CCDC88A: variants seen among roughly 807,000 people sequenced by gnomAD.
CCDC88A encodes the protein coiled-coil and HOOK domain protein 88A.
A neutral mutation model predicts 234.3 loss-of-function variants in CCDC88A; 54 were observed. The observed-to-expected ratio is 0.23, with a 90% CI of 0.19 to 0.29. The LOEUF (loss-of-function observed/expected upper bound fraction) is 0.29. CCDC88A is among the 10% of genes least tolerant of loss of function. The probability of loss-of-function intolerance (pLI) is 1.00; values close to 1 mark genes in which losing one functional copy is unlikely to be tolerated. For synonymous variants in CCDC88A, 753 were observed against 737.8 expected (o/e 1.02, Z -0.33); for missense variants, 1,832 against 2,123.4 (o/e 0.86, Z 2.70).
rs1683165994 is a variant in CCDC88A at position 55,317,880 on chromosome 2, A to C, written c.3325-39T>G. 2 of 1,366,810 alleles carry C rather than the reference A, an allele frequency of 1.5e-6. No individual in the cohort carries two copies. The highest frequency in any genetic ancestry group is 2.3e-5 in the East Asian group (1 of 42,882). 84.7% of individuals were successfully genotyped at this position (1,366,810 alleles called of 1,614,324 possible). On this transcript the variant is annotated intron_variant, in intron 19 of 32. Transcript: ENST00000436346. The surrounding 1 kb of genome is among the most constrained non-coding windows in gnomAD (Gnocchi z 4.2). ...TATTGTTATCAGACATAAGAAAAACAGTTCATGTTCTTTTTCAAAATACAA... is the reference window on the plus strand; with the variant it reads ...TATTGTTATCAGACATAAGAAAAACCGTTCATGTTCTTTTTCAAAATACAA...
chr2:55,414,872 T>A (rs1352354485), intron 2 of CCDC88A, among the ~76,000 whole-genome samples: 1 of 151,794 alleles, frequency 6.6e-6, no homozygotes, highest in Non-Finnish European at 1.5e-5. Flanking sequence ...GAGACCATCC[T>A]GGCTAACACG....
chr2:55,390,950 G>A (rs1426277231), intron 2 of CCDC88A, among the ~76,000 whole-genome samples: 1 of 152,194 alleles, frequency 6.6e-6, no homozygotes, highest in Admixed American at 6.5e-5. Flanking sequence ...GACCAGCCTG[G>A]GCAATATGGT....
In CCDC88A at chr2:55,309,645, T is replaced by A. The variant is rs985349312; in HGVS notation, c.4080-391A>T. On this transcript the variant is annotated intron_variant, in intron 23 of 32. Coordinates refer to ENST00000436346, the MANE Select transcript of CCDC88A (RefSeq NM_001365480.1). This position sits in a 1 kb window ranked among gnomAD's most constrained non-coding sequence, Gnocchi z 5.1. ...GAGAACCATTTCCTGACTCCAGCAA[T>A]GCATGAGTCATCGCATCCTAGTCTC... 6.6e-6 allele frequency among the ~76,000 whole-genome samples: 1 copy of A among 152,164 alleles called. No individual in the cohort carries two copies. The highest frequency in any genetic ancestry group is 1.5e-5 in the Non-Finnish European group (1 of 68,020).
At chr2:55,294,405 T>G (rs1351136581) in intron 31 of CCDC88A, 2 of 904,378 alleles carry the variant, frequency 2.2e-6, no homozygotes, top group Non-Finnish European at 2.6e-6. Flanking sequence ...TAACACTAAG[T>G]TTATAAGTAT....
At chr2:55,386,670 C>T (rs1254238468) in intron 3 of CCDC88A, among the ~76,000 whole-genome samples, 1 of 151,138 alleles carries the variant, frequency 6.6e-6, no homozygotes, top group Non-Finnish European at 1.5e-5. Context: ...CAAGGTTTCG[C>T]CATGTTGGAC....
At chr2:55,291,523 AATCTT>A in intron 32 of CCDC88A, 148 bp downstream of exon 32, 1 of 405,226 alleles carries the variant, frequency 2.5e-6, no homozygotes. Context: ...GCAGCCAACT[AATCTT>A]GCTTCACTAG....
chr2:55,331,424 G>A (rs1044215795), intron 16 of CCDC88A, among the ~76,000 whole-genome samples: 2 of 151,920 alleles, frequency 1.3e-5, no homozygotes, highest in African/African-American at 4.8e-5. Flanking sequence ...TATTTACTTT[G>A]AACATTCTGA....
chr2:55,350,528 ATAAAG>A (rs1485452957), intron 8 of CCDC88A: 1 of 151,382 alleles, frequency 6.6e-6, no homozygotes, highest in Non-Finnish European at 1.5e-5. Flanking sequence ...TTCTTTAATA[ATAAAG>A]TAAATGTTCA....
At chr2:55,363,888 T>G (rs545874047) in intron 6 of CCDC88A, 62 bp downstream of exon 6, 1 of 836,070 alleles carries the variant, frequency 1.2e-6, no homozygotes, top group South Asian at 1.7e-5. Context: ...TTTTAGGAGA[T>G]AGACAAATAA....
intron 2 of CCDC88A, among the ~76,000 whole-genome samples, chr2:55,409,071 T>C (rs533444659): frequency 6.6e-6 from 1 of 152,348 alleles, no homozygotes; most frequent in East Asian, 1.9e-4. Context: ...CATGCTATGC[T>C]CACTGGCTCA....
In CCDC88A at chr2:55,308,543, C is replaced by A. The variant is rs1681934744; in HGVS notation, c.4387+266G>T. 3 of 361,712 alleles carry A rather than the reference C, an allele frequency of 8.3e-6. 1 individual carries two copies. In the South Asian group the frequency reaches 1.2e-4, roughly 15 times the overall value. The allele number at this position is 361,712 out of a possible 1,614,324, so 22.4% of individuals were successfully genotyped here. ...GGCTTGCCCATATTAACAGAAATAG[C>A]AAGTGGCAGAGGTATTCCAGCTCTT... is the stretch of plus-strand genomic sequence containing the variant. On this transcript the variant is annotated intron_variant, in intron 25 of 32. Transcript: ENST00000436346.
rs377238103 is a variant in CCDC88A at position 55,419,123 on chromosome 2, C to T, written c.-44G>A. ...GAAAAAAGGAACTACCACAAAAATA[C>T]GCCTAGGGAATTGGTCACTAAACGT... On this transcript the variant is annotated 5_prime_UTR_variant, in exon 1 of 33. Transcript: ENST00000436346. 1.7e-6 allele frequency: 2 copies of T among 1,181,552 alleles called. No individual in the cohort carries two copies. The highest frequency in any genetic ancestry group is 1.5e-5 in the African/African-American group (1 of 65,560). 73.2% of individuals were successfully genotyped at this position (1,181,552 alleles called of 1,614,324 possible). A position where few individuals can be genotyped will look rare whatever the true frequency, so the allele number is the denominator to read the frequency against.
At chr2:55,418,051 T>C (rs1681765849) in intron 2 of CCDC88A, 1 of 152,186 alleles carries the variant, frequency 6.6e-6, no homozygotes, top group Admixed American at 6.5e-5. Context: ...TTAATTTTAC[T>C]GATCCAGCTA....
chr2:55,395,740 A>G (rs1194722644), intron 2 of CCDC88A, among the ~76,000 whole-genome samples: 3 of 152,250 alleles, frequency 2.0e-5, no homozygotes, highest in Non-Finnish European at 4.4e-5. Context: ...GTTGACTAAT[A>G]GAGTCCTAAA....
intron 6 of CCDC88A, 100 bp from the exon 7 acceptor site, chr2:55,362,548 T>C (rs1671455913): frequency 2.2e-6 from 2 of 919,430 alleles, no homozygotes; most frequent in Admixed American, 3.9e-5. Flanking sequence ...ATATAACCCA[T>C]ATAAAATATG....
chr2:55,411,532 A>AT (rs1680477637), intron 2 of CCDC88A, among the ~76,000 whole-genome samples: 1 of 151,674 alleles, frequency 6.6e-6, no homozygotes, highest in African/African-American at 2.4e-5. Context: ...CCAGCATGAG[A>AT]TTTTGGGAGG....
intron 31 of CCDC88A, chr2:55,295,386 T>C (rs1338862340): frequency 3.2e-6 from 5 of 1,544,198 alleles, no homozygotes; most frequent in Admixed American, 3.9e-5. Flanking sequence ...TCCTATGCTA[T>C]CTTTTGCCAA....
chr2:55,357,388 CCT>C (rs1383969294), intron 7 of CCDC88A, among the ~76,000 whole-genome samples: 1 of 150,242 alleles, frequency 6.7e-6, no homozygotes, highest in Non-Finnish European at 1.5e-5. Context: ...CTCTCTCCCT[CCT>C]CTCTCTCCTC....
rs780986054 is a variant in CCDC88A at position 55,334,398 on chromosome 2, T to C, written c.2423A>G (p.Lys808Arg). Residue 808 changes from lysine (K) to arginine (R), a missense_variant, in exon 15 of 33, where the codon AAA becomes AGA. By Grantham distance (26) the Lys-to-Arg change is conservative. Transcript: ENST00000436346. The surrounding 1 kb of genome is among the most constrained non-coding windows in gnomAD (Gnocchi z 6.1). ...KNLEELKISS[K>R]RLEQLEKENK... The stretch of plus-strand genomic sequence containing the variant: ...TTCTTTTTCCAGCTGTTCTAGTCTT[T>C]TGCTAGATATTTTTAGTTCTTCTAG... The C allele has an allele frequency of 1.3e-6, 2 of 1,579,800 alleles. No individual in the cohort carries two copies. The highest frequency in any genetic ancestry group is 4.0e-5 in the Admixed American group (2 of 50,102).
Sources: allele counts gnomAD v4.1 joint callset (sites outside exome capture counted in the v4.1 genomes callset), GRCh38; gene constraint gnomAD v4.1.1; non-coding constraint Gnocchi (gnomAD v3.1); transcripts MANE v1.5; gene names NCBI Gene and HGNC (gene_info 2026-07-23, HGNC 2026-07-21).